CFAP92: variants seen among roughly 807,000 people sequenced by gnomAD.
CFAP92 encodes uncharacterized protein CFAP92.
A neutral mutation model predicts 106.3 loss-of-function variants in CFAP92; 86 were observed. The observed-to-expected ratio is 0.81, with a 90% CI of 0.68 to 0.97. The LOEUF (loss-of-function observed/expected upper bound fraction) is 0.97, where lower values mean the gene tolerates loss of function less well. CFAP92 is among the 50% of genes least tolerant of loss of function. The pLI, the probability that CFAP92 is intolerant of heterozygous loss-of-function variation, is 0.00. For synonymous variants in CFAP92, 477 were observed against 506.4 expected (o/e 0.94, Z 0.78); for missense variants, 1,204 against 1,283.8 (o/e 0.94, Z 0.95).
chr3:128,987,871 G>A (rs754361916), intron 3 of CFAP92, 42 bp from the exon 4 acceptor site: 7 of 1,530,532 alleles, frequency 4.6e-6, no homozygotes, highest in Middle Eastern at 1.7e-4. Context: ...GGGGAAAGAT[G>A]TGCAAAGGCC....
intron 11 of CFAP92, among the ~76,000 whole-genome samples, chr3:128,933,996 C>G (rs1258845122): frequency 2.6e-5 from 4 of 152,206 alleles, no homozygotes; most frequent in Non-Finnish European, 5.9e-5. Context: ...ACCTCCTGCC[C>G]CACACCCAGC....
the CFAP92 span, among the ~76,000 whole-genome samples, chr3:129,024,336 C>T: frequency 7.2e-5 from 11 of 151,978 alleles, no homozygotes; most frequent in South Asian, 1.9e-3. Context: ...GTTCAAGACC[C>T]GCCTGGCCAA....
chr3:128,983,379 A>C (rs1943648561), intron 4 of CFAP92, among the ~76,000 whole-genome samples: 1 of 152,222 alleles, frequency 6.6e-6, no homozygotes, highest in African/African-American at 2.4e-5. Flanking sequence ...GGAGGGCAGT[A>C]ACATTCCCCA....
intron 10 of CFAP92, among the ~76,000 whole-genome samples, chr3:128,943,201 A>G (rs759940169): frequency 6.6e-6 from 1 of 152,170 alleles, no homozygotes; most frequent in Non-Finnish European, 1.5e-5. Flanking sequence ...TCCAGGCGTG[A>G]GCCACTGTGC....
In CFAP92 at chr3:128,945,913, C is replaced by T. The variant is rs1559883275; in HGVS notation, c.1416G>A (p.Lys472=). The T allele has an allele frequency of 2.1e-6, 3 of 1,457,460 alleles. No homozygotes were observed. Among genetic ancestry groups the T allele is most frequent in the South Asian group, 2.9e-5 (2 of 69,240 alleles). The allele number at this position is 1,457,460 out of a possible 1,614,324, so 90.3% of individuals were successfully genotyped here. A position where few individuals can be genotyped will look rare whatever the true frequency, so the allele number is the denominator to read the frequency against. ...AAACGTGGGTTCCATGGGGCTCCCCCTTGGTCTTGTGAACTGGAGTCTTAT... is the reference window on the plus strand; with the variant it reads ...AAACGTGGGTTCCATGGGGCTCCCCTTTGGTCTTGTGAACTGGAGTCTTAT... The part of the protein sequence containing the change: ...QFHKTPVHKT[K]GEPHGTHVYF... Residue 472 remains lysine, a synonymous_variant, in exon 10 of 16, where the codon AAG becomes AAA. Coordinates refer to ENST00000645291, the MANE Select transcript of CFAP92 (RefSeq NM_001394090.1).
chr3:128,989,008 G>C (rs998758574), intron 2 of CFAP92, 90 bp from the exon 3 acceptor site: 13 of 999,442 alleles, frequency 1.3e-5, no homozygotes, highest in Admixed American at 2.3e-5. Flanking sequence ...GATGTTGTGA[G>C]AGGCTGAGCA....
the CFAP92 span, among the ~76,000 whole-genome samples, chr3:129,022,773 C>T: frequency 2.0e-5 from 3 of 152,348 alleles, no homozygotes; most frequent in African/African-American, 7.2e-5. Flanking sequence ...CTGCAGCTCA[C>T]AGAAGGCCCC....
chr3:129,008,398 T>A, the CFAP92 span, among the ~76,000 whole-genome samples: 3 of 152,224 alleles, frequency 2.0e-5, no homozygotes, highest in African/African-American at 7.2e-5. Flanking sequence ...TGATTTTGAC[T>A]TTGGCTCTAT....
In CFAP92 at chr3:128,910,196, CCTG is replaced by C. The variant is rs150666665; in HGVS notation, c.*100_*102del. On this transcript the variant is annotated 3_prime_UTR_variant, in exon 16 of 16. Transcript: ENST00000645291. ...ACAGGGCCTGGCTGCTGCCATCTGTCCTGCTGCACTTTAATGAAGTTGATTGTT... is the reference window on the plus strand; with the variant it reads ...ACAGGGCCTGGCTGCTGCCATCTGTCCTGCACTTTAATGAAGTTGATTGTT... 57,359 of 1,612,968 alleles carry C rather than the reference CCTG, an allele frequency of 0.036. 1,211 individuals carry two copies. Among genetic ancestry groups the C allele is most frequent in the Middle Eastern group, 0.096 (579 of 6,040 alleles).
intron 3 of CFAP92, among the ~76,000 whole-genome samples, chr3:128,988,423 T>C (rs1943995548): frequency 6.6e-6 from 1 of 152,014 alleles, no homozygotes; most frequent in Admixed American, 6.6e-5. Context: ...TGCTTGTAAT[T>C]CCAGCTACTC....
chr3:128,912,463 A>ATG, intron 15 of CFAP92: 1 of 1,561,896 alleles, frequency 6.4e-7, no homozygotes, highest in Non-Finnish European at 8.8e-7. Context: ...TTGTCTTATC[A>ATG]CGGTGCAGAA....
At chr3:128,928,902 A>G (rs951480713) in intron 12 of CFAP92, among the ~76,000 whole-genome samples, 1 of 152,222 alleles carries the variant, frequency 6.6e-6, no homozygotes, top group African/African-American at 2.4e-5. Context: ...CTCATTAAGT[A>G]CTTGTATCCA....
At chr3:129,016,018 C>T in the CFAP92 span, among the ~76,000 whole-genome samples, 1 of 152,206 alleles carries the variant, frequency 6.6e-6, no homozygotes, top group South Asian at 2.1e-4. Flanking sequence ...CTTGCTGAGT[C>T]ACTGAGCGGC....
the CFAP92 span, among the ~76,000 whole-genome samples, chr3:129,011,846 A>G: frequency 1.3e-5 from 2 of 152,174 alleles, no homozygotes; most frequent in Non-Finnish European, 1.5e-5. Context: ...CACCCCTCCC[A>G]GAGAGAGGGG....
chr3:128,994,213 G>T (rs1307452357), upstream of CFAP92: 12 of 924,692 alleles, frequency 1.3e-5, no homozygotes, highest in Non-Finnish European at 1.5e-5. Context: ...CAGCCACTGC[G>T]CGCAGTTTGT....
At chr3:129,016,983 A>G in the CFAP92 span, among the ~76,000 whole-genome samples, 102 of 151,916 alleles carry the variant, frequency 6.7e-4, 1 homozygote, top group African/African-American at 2.3e-3. Context: ...GCAGTTCAGT[A>G]AAGTTTTCAA....
At chr3:128,956,594 T>C (rs1202285139) in intron 9 of CFAP92, among the ~76,000 whole-genome samples, 2 of 150,474 alleles carry the variant, frequency 1.3e-5, no homozygotes, top group African/African-American at 2.5e-5. Flanking sequence ...ACCTTACTTA[T>C]AGGGAAAAAA....
In CFAP92 at chr3:128,928,994, A is replaced by C. The variant is rs987406319; in HGVS notation, c.2751+3706T>G. The stretch of plus-strand genomic sequence containing the variant: ...TACAGATGGCCAGGCACAGTGACTC[A>C]TAACTGTAATCCCAGCACTTCGGGA... On this transcript the variant is annotated intron_variant, in intron 12 of 15. Transcript: ENST00000645291. 2.6e-5 allele frequency among the ~76,000 whole-genome samples: 4 copies of C among 152,364 alleles called. 1 individual carries two copies. In the South Asian group the frequency reaches 8.3e-4, roughly 32 times the overall value.
chr3:128,921,387 A>G (rs142418682), intron 12 of CFAP92, among the ~76,000 whole-genome samples: 2 of 152,360 alleles, frequency 1.3e-5, no homozygotes, highest in Non-Finnish European at 2.9e-5. Context: ...GTTTTAATAC[A>G]GCTTCTTACA....
Sources: allele counts gnomAD v4.1 joint callset (sites outside exome capture counted in the v4.1 genomes callset), GRCh38; gene constraint gnomAD v4.1.1; transcripts MANE v1.5; gene names NCBI Gene and HGNC (gene_info 2026-07-23, HGNC 2026-07-21).